The following SYT3 variants were observed in gnomAD, a reference collection of about 807,000 sequenced individuals.
SYT3 encodes the protein synaptotagmin-3.
Under a neutral mutation model 50.6 loss-of-function variants are expected in SYT3, and 25 were observed. The observed-to-expected ratio is 0.49, with a 90% CI of 0.36 to 0.69. The LOEUF is 0.69. SYT3 is among the 30% of genes least tolerant of loss of function. The pLI, the probability that SYT3 is intolerant of heterozygous loss-of-function variation, is 0.00. For missense variants in SYT3, 589 were observed against 793.6 expected, an observed-to-expected ratio of 0.74 and a Z score of 3.10; for synonymous variants, 323 against 353.9, an observed-to-expected ratio of 0.91 and a Z score of 0.98.
upstream of SYT3, among the ~76,000 whole-genome samples, chr19:50,642,641 C>T (rs543271413): frequency 6.6e-6 from 1 of 152,258 alleles, no homozygotes; most frequent in South Asian, 2.1e-4. Context: ...TGAGACCAGC[C>T]TGACCAACAT....
chr19:50,629,864 C>A lies in SYT3; in HGVS notation c.982G>T (p.Ala328Ser), dbSNP rs763948624. Residue 328 changes from alanine (A) to serine (S), a missense_variant, in exon 5 of 11, where the codon GCC (alanine) becomes TCC (serine). By Grantham distance (99) the Ala-to-Ser change is moderately conservative. Coordinates refer to ENST00000600079, the MANE Select transcript of SYT3 (RefSeq NM_001160329.2). ...VRILQALDLPAKDSNGFSDPY... is the reference protein window; with the variant it reads ...VRILQALDLPSKDSNGFSDPY... ...TCTGAGAAGCCGTTGGAGTCCTTGGCAGGGAGGTCCAGGGCCTGCAGGATC... is the reference window on the plus strand; with the variant it reads ...TCTGAGAAGCCGTTGGAGTCCTTGGAAGGGAGGTCCAGGGCCTGCAGGATC... The A allele has an allele frequency of 6.2e-7, 1 of 1,614,012 alleles. No individual in the cohort carries two copies. Among genetic ancestry groups the A allele is most frequent in the African/African-American group, 1.3e-5 (1 of 74,930 alleles).
chr19:50,646,888 T>C, the SYT3 span, among the ~76,000 whole-genome samples: 1 of 152,106 alleles, frequency 6.6e-6, no homozygotes, highest in Non-Finnish European at 1.5e-5. Context: ...TGGAGTGCAG[T>C]GGCGCGATCT....
chr19:50,641,868 GAATA>G (rs769227773), upstream of SYT3, among the ~76,000 whole-genome samples: 78 of 151,822 alleles, frequency 5.1e-4, 1 homozygote, highest in African/African-American at 6.0e-4. Flanking sequence ...ACATAAATAT[GAATA>G]AATAAATAAA....
Position 50,625,757 on chromosome 19 carries a change from CCCCTCCTCCCT to C in SYT3, c.1402+129_1402+139del. The C allele has an allele frequency of 1.5e-5, 13 of 896,418 alleles. No individual in the cohort carries two copies. Among genetic ancestry groups the C allele is most frequent in the Admixed American group, 5.8e-5 (2 of 34,626 alleles). The allele number at this position is 896,418 out of a possible 1,614,324, so 55.5% of individuals were successfully genotyped here. A position where few individuals can be genotyped will look rare whatever the true frequency, so the allele number is the denominator to read the frequency against. On this transcript the variant is annotated intron_variant, in intron 7 of 10. Transcript: ENST00000600079. This position sits in a 1 kb window ranked among gnomAD's most constrained non-coding sequence, Gnocchi z 7.5. Reference sequence around the variant, plus strand: ...CCGACCCAGGAGTCCAGGCCCCTGGCCCCTCCTCCCTCAGACCCAGGAGTCCAGATCCCCAG... The same window carrying C: ...CCGACCCAGGAGTCCAGGCCCCTGGCCAGACCCAGGAGTCCAGATCCCCAG...
chr19:50,649,237 A>C, the SYT3 span, among the ~76,000 whole-genome samples: 1 of 151,874 alleles, frequency 6.6e-6, no homozygotes, highest in African/African-American at 2.4e-5. Context: ...AATGGGAAAG[A>C]AGGGATTGGG....
Position 50,630,019 on chromosome 19 carries a change from T to C in SYT3, c.827A>G (p.Gln276Arg), listed in dbSNP as rs756505974. The change falls in exon 5 of 11, where the codon CAG becomes CGG. Residue 276 changes from glutamine (Q) to arginine (R), a missense_variant. Physicochemically the swap from Gln to Arg is conservative, Grantham distance 43 (BLOSUM62 1). Transcript: ENST00000600079. ...LIGQIKPELYQGTGPGGRRSG... is the reference protein window; with the variant it reads ...LIGQIKPELYRGTGPGGRRSG... ...CCGCCGGCCACCAGGGCCAGTCCCC[T>C]GGTACAGCTCTGGCTTAATCTGCCC... is the stretch of plus-strand genomic sequence containing the variant. The C allele has an allele frequency of 1.2e-6, 2 of 1,614,014 alleles. No homozygotes were observed. The highest frequency in any genetic ancestry group is 1.1e-5 in the South Asian group (1 of 91,064).
the SYT3 span, among the ~76,000 whole-genome samples, chr19:50,650,560 A>G: frequency 6.6e-6 from 1 of 152,144 alleles, no homozygotes. Flanking sequence ...AATCCCAGTT[A>G]CTAGGGAGGC....
upstream of SYT3, among the ~76,000 whole-genome samples, chr19:50,641,684 A>G (rs1302001649): frequency 3.9e-5 from 6 of 151,940 alleles, no homozygotes; most frequent in Non-Finnish European, 7.4e-5. Flanking sequence ...TGTCTCTACA[A>G]AAAATACAAA....
In SYT3 at chr19:50,625,023, C is replaced by T; in HGVS notation, c.1707+139G>A. 1 of 959,954 alleles carries T rather than the reference C, an allele frequency of 1.0e-6. No homozygotes were observed. Among genetic ancestry groups the T allele is most frequent in the East Asian group, 3.0e-5 (1 of 32,918 alleles). The allele number at this position is 959,954 out of a possible 1,614,324, so 59.5% of individuals were successfully genotyped here. A position where few individuals can be genotyped will look rare whatever the true frequency, so the allele number is the denominator to read the frequency against. On this transcript the variant is annotated intron_variant, in intron 9 of 10. Transcript: ENST00000600079. This position sits in a 1 kb window ranked among gnomAD's most constrained non-coding sequence, Gnocchi z 7.5. Reference sequence around the variant, plus strand: ...GGGTAACTGGCTCTAAGCCGCACAGCTAAAGTTGGCACAGCAGGGATTGAA... The same window carrying T: ...GGGTAACTGGCTCTAAGCCGCACAGTTAAAGTTGGCACAGCAGGGATTGAA...
At chr19:50,643,689 C>A (rs1984715526), upstream of SYT3, among the ~76,000 whole-genome samples, 1 of 151,068 alleles carries the variant, frequency 6.6e-6, no homozygotes, top group African/African-American at 2.4e-5. Flanking sequence ...ACTTTCTGAG[C>A]ACCTAATGTG....
chr19:50,653,481 G>A, the SYT3 span, among the ~76,000 whole-genome samples: 1 of 152,030 alleles, frequency 6.6e-6, no homozygotes, highest in Non-Finnish European at 1.5e-5. Flanking sequence ...AGAAAATAAT[G>A]AGGGTAGGTA....
intron 6 of SYT3, among the ~76,000 whole-genome samples, chr19:50,629,077 C>G (rs17849197): frequency 0.13 from 19,631 of 152,144 alleles, 1,513 homozygotes; most frequent in Non-Finnish European, 0.17. Flanking sequence ...GCCCACCTGG[C>G]CTCCCAAAGT....
chr19:50,654,366 A>C, the SYT3 span, among the ~76,000 whole-genome samples: 3 of 151,590 alleles, frequency 2.0e-5, no homozygotes, highest in Non-Finnish European at 4.4e-5. Context: ...GCAGTGGCGC[A>C]ATCTTGGCTC....
At chr19:50,657,008 A>G in the SYT3 span, among the ~76,000 whole-genome samples, 59 of 149,394 alleles carry the variant, frequency 3.9e-4, no homozygotes, top group African/African-American at 1.4e-3. Flanking sequence ...AGGGAGGGAA[A>G]GGAAAGGAAA....
At chr19:50,646,469 T>C in the SYT3 span, among the ~76,000 whole-genome samples, 4 of 152,222 alleles carry the variant, frequency 2.6e-5, no homozygotes, top group Non-Finnish European at 5.9e-5. Flanking sequence ...ATTCAACTCA[T>C]GTGTCCTGAA....
At chr19:50,643,282 G>A (rs1361167995), upstream of SYT3, among the ~76,000 whole-genome samples, 1 of 152,014 alleles carries the variant, frequency 6.6e-6, no homozygotes, top group East Asian at 1.9e-4. Flanking sequence ...GCTGAGGTGG[G>A]AGGATTGCTT....
rs764287285 is a variant in SYT3 at position 50,629,355 on chromosome 19, A to G, written c.1220T>C (p.Leu407Pro). Residue 407 changes from leucine to proline, a missense_variant, in exon 6 of 11, where the codon CTG (leucine) becomes CCG (proline). Coordinates refer to ENST00000600079, the MANE Select transcript of SYT3 (RefSeq NM_001160329.2). Reference sequence around the variant, plus strand: ...GTCAGGGGGCTGCTCGGCCAGCTCCAGGAGGTTGTCCAGCACCACCTGGCC... The same window carrying G: ...GTCAGGGGGCTGCTCGGCCAGCTCCGGGAGGTTGTCCAGCACCACCTGGCC... ...LIGQVVLDNL[L>P]ELAEQPPDRP... is the part of the protein sequence containing the mutation. 4 of 1,613,670 alleles carry G rather than the reference A, an allele frequency of 2.5e-6. No homozygotes were observed. Among genetic ancestry groups the G allele is most frequent in the Non-Finnish European group, 3.4e-6 (4 of 1,179,806 alleles).
intron 3 of SYT3, among the ~76,000 whole-genome samples, chr19:50,634,995 C>T (rs1301155130): frequency 2.0e-5 from 3 of 152,082 alleles, no homozygotes; most frequent in Admixed American, 6.6e-5. Context: ...ACTGCAAGCT[C>T]CACCTCCTGG....
chr19:50,633,570 C>T (rs1984395268), intron 3 of SYT3, among the ~76,000 whole-genome samples: 1 of 152,144 alleles, frequency 6.6e-6, no homozygotes. Context: ...TGCTGTGTGG[C>T]CTTGGGAACA....
Sources: allele counts gnomAD v4.1 joint callset (sites outside exome capture counted in the v4.1 genomes callset), GRCh38; gene constraint gnomAD v4.1.1; non-coding constraint Gnocchi (gnomAD v3.1); transcripts MANE v1.5; gene names NCBI Gene and HGNC (gene_info 2026-07-23, HGNC 2026-07-21).